KDM6B: variants seen among roughly 807,000 people sequenced by gnomAD.
The protein encoded by KDM6B is lysine demethylase 6B, also known as lysine-specific demethylase 6B.
KDM6B carries 22 observed loss-of-function variants against 150.4 expected under a neutral mutation model. The observed-to-expected ratio is 0.15, with a 90% CI of 0.10 to 0.21. The LOEUF is 0.21. KDM6B is among the 10% of genes least tolerant of loss of function. The pLI is 1.00. For synonymous variants in KDM6B, 1,148 were observed against 921.1 expected (o/e 1.25, Z -4.46); for missense variants, 1,984 against 2,234.3 (o/e 0.89, Z 2.26).
chr17:7,842,790 G>A (rs2078444226), intron 2 of KDM6B, among the ~76,000 whole-genome samples: 1 of 151,790 alleles, frequency 6.6e-6, no homozygotes, highest in Admixed American at 6.6e-5. Flanking sequence ...TCAGTGGGAA[G>A]AGGGGAAGGT....
In KDM6B at chr17:7,844,062, C is replaced by CT. The variant is rs1334648957; in HGVS notation, c.-268-839_-268-838insT. The CT allele has an allele frequency of 1.7e-4, 26 of 149,482 alleles. No homozygotes were observed. The highest frequency in any genetic ancestry group is 2.4e-4 in the Non-Finnish European group (16 of 66,888). 9.3% of individuals were successfully genotyped at this position (149,482 alleles called of 1,614,324 possible). The stretch of plus-strand genomic sequence containing the variant: ...GCCCTCCTCCCTCCCTCAGGACCCC[C>CT]CCCCCCGCAGTACATTTACACACAC... On this transcript the variant is annotated intron_variant, in intron 2 of 23. Transcript: ENST00000448097. This position sits in a 1 kb window ranked among gnomAD's most constrained non-coding sequence, Gnocchi z 5.9.
Position 7,848,022 on chromosome 17 carries a change from C to G in KDM6B, c.1734C>G (p.Ala578=). The G allele has an allele frequency of 1.2e-6, 2 of 1,612,468 alleles. No individual in the cohort carries two copies. Among genetic ancestry groups the G allele is most frequent in the Non-Finnish European group, 1.7e-6 (2 of 1,179,518 alleles). The change falls in exon 12 of 24, where the codon GCC becomes GCG. Residue 578 remains alanine (A), a synonymous_variant. Coordinates refer to ENST00000448097, the MANE Select transcript of KDM6B (RefSeq NM_001348716.2). ...CCTTTCCCCCACCACCCTATCTGGC[C>G]AGAAGTATAGACCCCCTTCCCCGGC... ...PVSFPPPPYL[A]RSIDPLPRPP...
At position 7,853,907 on chromosome 17, in the gene KDM6B, C is replaced by G. The variant is rs2078757091; in HGVS notation, c.*386C>G. The G allele has an allele frequency of 5.8e-6, 1 of 171,898 alleles. No individual in the cohort carries two copies. The highest frequency in any genetic ancestry group is 1.2e-5 in the Non-Finnish European group (1 of 81,444). 10.6% of individuals were successfully genotyped at this position (171,898 alleles called of 1,614,324 possible). A position where few individuals can be genotyped will look rare whatever the true frequency, so the allele number is the denominator to read the frequency against. On this transcript the variant is annotated 3_prime_UTR_variant, in exon 24 of 24. Transcript: ENST00000448097. ...CAGATGCACGCGGCTCGTGTATGTA[C>G]ATAGACGTTACGGCAGCCGAGGTTT...
In KDM6B at chr17:7,846,270, GGGGCCCCGCATT is replaced by G; in HGVS notation, c.432_443del (p.Pro145_Gly148del). ...GATACGGAGGAAGCTTCGCTGAGCT[GGGGCCCCGCATT>G]GGCCGACTGCAGCAGGTAGGAGAAG... On this transcript the variant is annotated inframe_deletion, in exon 7 of 24. Coordinates refer to ENST00000448097, the MANE Select transcript of KDM6B (RefSeq NM_001348716.2). The G allele has an allele frequency of 6.2e-7, 1 of 1,613,594 alleles. No homozygotes were observed. Among genetic ancestry groups the G allele is most frequent in the Non-Finnish European group, 8.5e-7 (1 of 1,179,838 alleles).
chr17:7,834,710 T>C (rs995595370), intron 1 of KDM6B, among the ~76,000 whole-genome samples: 1 of 152,042 alleles, frequency 6.6e-6, no homozygotes, highest in African/African-American at 2.4e-5. Flanking sequence ...GTCAATGCCA[T>C]GGCCCAGTAA....
Position 7,851,459 on chromosome 17 carries a change from G to C in KDM6B, c.3945-19G>C. On this transcript the variant is annotated intron_variant, in intron 16 of 23. Transcript: ENST00000448097. ...CCCTCCCTCTGCTCTCCACCAACCT[G>C]TGCTCTTCGCCCCAGCAGCAGCGCA... 1 of 1,614,148 alleles carries C rather than the reference G, an allele frequency of 6.2e-7. No homozygotes were observed. The highest frequency in any genetic ancestry group is 8.5e-7 in the Non-Finnish European group (1 of 1,180,022).
intron 1 of KDM6B, among the ~76,000 whole-genome samples, chr17:7,834,604 G>C (rs199779170): frequency 2.0e-5 from 3 of 148,864 alleles, no homozygotes; most frequent in South Asian, 2.1e-4. Context: ...CGTTCCCCTT[G>C]GGCTGGGATT....
At chr17:7,846,357 C>T (rs942894131) in intron 7 of KDM6B, 43 bp from the exon 8 acceptor site, 1 of 1,564,598 alleles carries the variant, frequency 6.4e-7, no homozygotes. Context: ...GGCTCAGTGC[C>T]CCACCTGACA....
At chr17:7,852,677 G>A (rs2078722200) in intron 21 of KDM6B, 41 bp downstream of exon 21, 3 of 1,612,836 alleles carry the variant, frequency 1.9e-6, no homozygotes, top group Non-Finnish European at 2.5e-6. Flanking sequence ...TCCACTGACT[G>A]GTCCCTTTTC....
Position 7,834,263 on chromosome 17 carries a change from C to T in KDM6B, c.-475C>T, listed in dbSNP as rs2078285372. On this transcript the variant is annotated 5_prime_UTR_variant, in exon 1 of 24. Coordinates refer to ENST00000448097, the MANE Select transcript of KDM6B (RefSeq NM_001348716.2). ...TGCGCCACTGGGCGGAGCGGCCCCC[C>T]CAGCCCCGGCCTGGGAGAAGGGGGG... 6.6e-6 allele frequency among the ~76,000 whole-genome samples: 1 copy of T among 151,170 alleles called. No homozygotes were observed. The highest frequency in any genetic ancestry group is 6.6e-5 in the Admixed American group (1 of 15,244).
At chr17:7,845,725 C>T (rs1418198630) in intron 5 of KDM6B, 34 bp downstream of exon 5, 2 of 1,613,770 alleles carry the variant, frequency 1.2e-6, no homozygotes, top group East Asian at 2.2e-5. Flanking sequence ...TCCAGGCACA[C>T]CTCTTTCCAT....
At chr17:7,846,371 G>GGGGCGGCGCCCGGGGCCCCCCCCC in intron 7 of KDM6B, 29 bp from the exon 8 acceptor site, 1 of 1,488,926 alleles carries the variant, frequency 6.7e-7, no homozygotes, top group Non-Finnish European at 9.2e-7. Context: ...CCTGACATCT[G>GGGGCGGCGCCCGGGGCCCCCCCCC]CCCCTGCCCC....
intron 1 of KDM6B, among the ~76,000 whole-genome samples, chr17:7,837,481 T>G (rs1039555156): frequency 2.0e-5 from 3 of 152,224 alleles, no homozygotes; most frequent in Non-Finnish European, 2.9e-5. Flanking sequence ...TTGCTATGGT[T>G]GTTCTTCTCT....
In KDM6B at chr17:7,846,859, TACCACCACCACC is replaced by T. The variant is rs61462443; in HGVS notation, c.780_791del (p.Pro261_Pro264del). On this transcript the variant is annotated inframe_deletion, in exon 10 of 24. Transcript: ENST00000448097. The stretch of plus-strand genomic sequence containing the variant: ...GGGCTGCCACTGCCTCCACCACCAT[TACCACCACCACC>T]ACCACCACCACCACCACCACCACCA... The T allele has an allele frequency of 1.0e-4, 121 of 1,215,676 alleles. 1 individual carries two copies. Among genetic ancestry groups the T allele is most frequent in the Middle Eastern group, 5.2e-4 (2 of 3,842 alleles). The allele number at this position is 1,215,676 out of a possible 1,614,324, so 75.3% of individuals were successfully genotyped here. A position where few individuals can be genotyped will look rare whatever the true frequency, so the allele number is the denominator to read the frequency against.
rs766277946 is a variant in KDM6B at position 7,845,558 on chromosome 17, C to T, written c.4C>T (p.His2Tyr). ...TCTTATCCCCAACTCAGGCTGGATG[C>T]ATCGGGCAGTGGACCCTCCAGGGGC... is the stretch of plus-strand genomic sequence containing the variant. M[H>Y]RAVDPPGARA... The change falls in exon 5 of 24, where the codon CAT becomes TAT. Residue 2 changes from histidine (H) to tyrosine (Y), a missense_variant. Physicochemically the swap from His to Tyr is moderately conservative, Grantham distance 83. Transcript: ENST00000448097. The T allele has an allele frequency of 7.4e-6, 12 of 1,614,036 alleles. No homozygotes were observed. The African/African-American group carries it at 1.1e-4, about 14-fold the overall frequency.
rs1471438459 is a variant in KDM6B at position 7,848,309 on chromosome 17, C to T, written c.2021C>T (p.Pro674Leu). ...PARGPRLFDFPPTPLEDQFEE... is the reference protein window; with the variant it reads ...PARGPRLFDFLPTPLEDQFEE... Reference sequence around the variant, plus strand: ...CGAGGCCCTCGACTCTTTGATTTTCCCCCCACTCCGCTGGAGGACCAGTTT... The same window carrying T: ...CGAGGCCCTCGACTCTTTGATTTTCTCCCCACTCCGCTGGAGGACCAGTTT... The change falls in exon 12 of 24, where the codon CCC (proline) becomes CTC (leucine). Residue 674 changes from proline to leucine, a missense_variant. This residue lies in a region of KDM6B where 1,379 missense variants were observed against 1,275.6 expected (regional missense o/e 1.08). Transcript: ENST00000448097. The T allele has an allele frequency of 6.2e-7, 1 of 1,612,714 alleles. No individual in the cohort carries two copies. The highest frequency in any genetic ancestry group is 8.5e-7 in the Non-Finnish European group (1 of 1,179,936).
Position 7,846,746 on chromosome 17 carries a change from G to A in KDM6B, c.711+6G>A, listed in dbSNP as rs750299507. 3.1e-6 allele frequency: 5 copies of A among 1,613,874 alleles called. No individual in the cohort carries two copies. The highest frequency in any genetic ancestry group is 3.4e-6 in the Non-Finnish European group (4 of 1,179,956). ...GAGGCTGCAACTCTGAACAGGTGTG[G>A]GTATAGGGGGGCCAGCAGGCAGTAA... On this transcript the variant is annotated splice_donor_region_variant and intron_variant, in intron 9 of 23. Transcript: ENST00000448097.
rs781485201 is a variant in KDM6B at position 7,851,026 on chromosome 17, G to C, written c.3679G>C (p.Gly1227Arg). The C allele has an allele frequency of 8.7e-6, 14 of 1,604,602 alleles. No homozygotes were observed. Among genetic ancestry groups the C allele is most frequent in the Non-Finnish European group, 1.2e-5 (14 of 1,176,118 alleles). Residue 1227 changes from glycine (G) to arginine (R), a missense_variant, in exon 15 of 24, where the codon GGC (glycine) becomes CGC (arginine). Transcript: ENST00000448097. ...TGCTCGGCCCTCCCTTCCAGACTTGGGCCTCTTCTCCACCAAGACCCTGGT... is the reference window on the plus strand; with the variant it reads ...TGCTCGGCCCTCCCTTCCAGACTTGCGCCTCTTCTCCACCAAGACCCTGGT... ...GLAGSLRLNL[G>R]LFSTKTLVEA...
At position 7,851,915 on chromosome 17, in the gene KDM6B, C is replaced by T. The variant is rs1178482661; in HGVS notation, c.4166-36C>T. On this transcript the variant is annotated intron_variant, in intron 18 of 23. Transcript: ENST00000448097. ...GGCTATCGGGGATCGCAGTTCCGAC[C>T]TGGCCAGCCATGCCGTTCTCTGTCG... is the stretch of plus-strand genomic sequence containing the variant. 5 of 1,609,418 alleles carry T rather than the reference C, an allele frequency of 3.1e-6. No individual in the cohort carries two copies. The East Asian group carries it at 6.7e-5, about 22-fold the overall frequency.
Sources: allele counts gnomAD v4.1 joint callset (sites outside exome capture counted in the v4.1 genomes callset), GRCh38; gene constraint gnomAD v4.1.1; regional missense constraint gnomAD v4.1.1; non-coding constraint Gnocchi (gnomAD v3.1); transcripts MANE v1.5; gene names NCBI Gene and HGNC (gene_info 2026-07-23, HGNC 2026-07-21).